The following DSCAM variants were observed in gnomAD, a reference collection of about 807,000 sequenced individuals.
The protein encoded by DSCAM is DS cell adhesion molecule, also known as cell adhesion molecule DSCAM.
Under a neutral mutation model 217.7 loss-of-function variants are expected in DSCAM, and 47 were observed. The ratio of observed to expected loss-of-function variants is 0.22; its 90% CI spans 0.17 to 0.28. DSCAM has a LOEUF of 0.28. Among genes scored for constraint, DSCAM ranks in the 10% least tolerant of loss-of-function variants. DSCAM has a pLI of 1.00. For synonymous variants in DSCAM, 1,056 were observed against 1,015.3 expected (o/e 1.04, Z -0.76); for missense variants, 2,080 against 2,618.3 (o/e 0.79, Z 4.49).
intron 20 of DSCAM, among the ~76,000 whole-genome samples, chr21:40,097,899 C>A (rs2089695923): frequency 7.3e-6 from 1 of 137,108 alleles, no homozygotes; most frequent in African/African-American, 2.8e-5. Context: ...CAAGATTGTG[C>A]CACTGCACTC....
intron 3 of DSCAM, among the ~76,000 whole-genome samples, chr21:40,527,865 G>A (rs982656776): frequency 1.3e-5 from 2 of 152,076 alleles, no homozygotes; most frequent in Non-Finnish European, 2.9e-5. Context: ...CCCTGTATGC[G>A]GCTCTCCTTT....
At chr21:40,614,188 CAGTCATGGA>C (rs1308289404) in intron 3 of DSCAM, among the ~76,000 whole-genome samples, 3 of 152,282 alleles carry the variant, frequency 2.0e-5, no homozygotes, top group Admixed American at 6.5e-5. Flanking sequence ...AAGTCAGATG[CAGTCATGGA>C]AGTCATGGAA....
intron 3 of DSCAM, among the ~76,000 whole-genome samples, chr21:40,574,710 T>C (rs2076835071): frequency 6.8e-6 from 1 of 146,560 alleles, no homozygotes. Context: ...TGCCTGATTT[T>C]TTTTTTTTTT....
intron 20 of DSCAM, among the ~76,000 whole-genome samples, chr21:40,094,579 T>A (rs146153889): frequency 6.6e-6 from 1 of 152,098 alleles, no homozygotes; most frequent in African/African-American, 2.4e-5. Context: ...CCTGAAAGAA[T>A]TGGAGGTCAC....
At chr21:40,212,179 A>G (rs2146882669) in intron 11 of DSCAM, among the ~76,000 whole-genome samples, 1 of 152,088 alleles carries the variant, frequency 6.6e-6, no homozygotes, top group East Asian at 2.0e-4. Flanking sequence ...TGTGTTGGCC[A>G]GGCTGATCTC....
At chr21:40,072,432 C>T (rs545807356) in intron 27 of DSCAM, among the ~76,000 whole-genome samples, 104 of 151,456 alleles carry the variant, frequency 6.9e-4, no homozygotes, top group African/African-American at 2.2e-3. Context: ...CTGCAAGCTC[C>T]GCCTCCCAGG....
intron 3 of DSCAM, among the ~76,000 whole-genome samples, chr21:40,585,201 T>TA (rs2076935940): frequency 1.3e-5 from 2 of 151,022 alleles, no homozygotes; most frequent in African/African-American, 2.4e-5. Flanking sequence ...TTTTACAACT[T>TA]ACCCAGTGTC....
rs73359140 is a variant in DSCAM, at chr21:40,412,099, T to A, written c.509-42854A>T. On this transcript the variant is annotated intron_variant, in intron 3 of 32. Coordinates refer to ENST00000400454, the MANE Select transcript of DSCAM (RefSeq NM_001389.5). ...GCCATCCATCTAAGATGTGACTTGC[T>A]CTTCCTTGCCTCTGCCATGATTTTG... 7.8e-3 allele frequency among the ~76,000 whole-genome samples: 1,191 copies of A among 152,328 alleles called. 13 individuals are homozygous for A. Among genetic ancestry groups the A allele is most frequent in the African/African-American group, 0.027 (1,120 of 41,572 alleles).
intron 3 of DSCAM, among the ~76,000 whole-genome samples, chr21:40,605,164 C>G (rs1187319372): frequency 1.3e-5 from 2 of 152,192 alleles, no homozygotes; most frequent in Non-Finnish European, 2.9e-5. Flanking sequence ...TATTAACTCT[C>G]AAGCCTCACA....
rs192477507 is a variant in DSCAM, at chr21:40,087,359, T to A, written c.3851-72A>T. 1.1e-5 allele frequency: 13 copies of A among 1,139,976 alleles called. No individual in the cohort carries two copies. The Admixed American group carries it at 1.9e-4, about 16-fold the overall frequency. The allele number at this position is 1,139,976 out of a possible 1,614,324, so 70.6% of individuals were successfully genotyped here. On this transcript the variant is annotated intron_variant, in intron 21 of 32. Transcript: ENST00000400454. ...CTACACAGAGGCCAACATGACCTAC[T>A]CAATAAGGGCAATACCTAAAAATGG... is the stretch of plus-strand genomic sequence containing the variant.
chr21:40,594,088 G>C (rs2077003484), intron 3 of DSCAM, among the ~76,000 whole-genome samples: 1 of 152,058 alleles, frequency 6.6e-6, no homozygotes, highest in Non-Finnish European at 1.5e-5. Flanking sequence ...ATCTCAGGTG[G>C]CTATCATACT....
intron 3 of DSCAM, among the ~76,000 whole-genome samples, chr21:40,505,066 G>T (rs2076199474): frequency 6.6e-6 from 1 of 152,156 alleles, no homozygotes; most frequent in Non-Finnish European, 1.5e-5. Flanking sequence ...CAATGACTTG[G>T]TTTTGTGGTA....
intron 3 of DSCAM, among the ~76,000 whole-genome samples, chr21:40,470,473 C>G (rs1480025869): frequency 6.6e-6 from 1 of 152,246 alleles, no homozygotes; most frequent in Non-Finnish European, 1.5e-5. Flanking sequence ...GCTTTCTGCC[C>G]TCTCTTCTCC....
intron 3 of DSCAM, among the ~76,000 whole-genome samples, chr21:40,628,562 T>C (rs28526702): frequency 0.52 from 79,407 of 152,062 alleles, 22,472 homozygotes; most frequent in Non-Finnish European, 0.62. Flanking sequence ...CAGAGTTATG[T>C]AGTAATAACC....
Position 40,637,478 on chromosome 21 carries a change from T to A in DSCAM, c.508+55332A>T, listed in dbSNP as rs1359762528. On this transcript the variant is annotated intron_variant, in intron 3 of 32. Transcript: ENST00000400454. Reference sequence around the variant, plus strand: ...ATATACAAATATATATAAATATATATAAATATATAAAAATATATAAATATA... The same window carrying A: ...ATATACAAATATATATAAATATATAAAAATATATAAAAATATATAAATATA... 5.4e-5 allele frequency among the ~76,000 whole-genome samples: 3 copies of A among 55,216 alleles called. 1 individual carries two copies. Among genetic ancestry groups the A allele is most frequent in the Non-Finnish European group, 9.0e-5 (3 of 33,188 alleles). The allele number at this position is 55,216 out of a possible 152,430, so 36.2% of individuals were successfully genotyped here.
chr21:40,375,029 C>T (rs2074935916), intron 3 of DSCAM, among the ~76,000 whole-genome samples: 1 of 152,214 alleles, frequency 6.6e-6, no homozygotes. Flanking sequence ...AAATCATTAT[C>T]ATGTTACTTG....
chr21:40,364,002 G>A (rs1360609240), intron 4 of DSCAM, among the ~76,000 whole-genome samples: 2 of 152,264 alleles, frequency 1.3e-5, no homozygotes, highest in African/African-American at 4.8e-5. Context: ...CAGTTAGAAT[G>A]GTGATCATTA....
chr21:40,210,100 C>A (rs981254577), intron 11 of DSCAM, among the ~76,000 whole-genome samples: 4 of 152,190 alleles, frequency 2.6e-5, no homozygotes, highest in African/African-American at 9.7e-5. Context: ...CTCCCCCATT[C>A]CCTATTTTGA....
chr21:40,248,530 G>A (rs1384275936), intron 11 of DSCAM, among the ~76,000 whole-genome samples: 1 of 152,166 alleles, frequency 6.6e-6, no homozygotes, highest in African/African-American at 2.4e-5. Flanking sequence ...CTTTGCTCCA[G>A]TTCCCAACAA....
Sources: allele counts gnomAD v4.1 joint callset (sites outside exome capture counted in the v4.1 genomes callset), GRCh38; gene constraint gnomAD v4.1.1; transcripts MANE v1.5; gene names NCBI Gene and HGNC (gene_info 2026-07-23, HGNC 2026-07-21).